The following PLXNA4 variants were observed in gnomAD, a reference collection of about 807,000 sequenced individuals.
The protein encoded by PLXNA4 is plexin A4, also known as plexin-A4.
PLXNA4 carries 44 observed loss-of-function variants against 191.8 expected under a neutral mutation model. The ratio of observed to expected loss-of-function variants is 0.23; its 90% CI spans 0.18 to 0.29. The LOEUF is 0.29. PLXNA4 is among the 10% of genes least tolerant of loss of function. PLXNA4 has a pLI of 1.00. For missense variants in PLXNA4, 1,800 were observed against 2,488.8 expected, an observed-to-expected ratio of 0.72 and a Z score of 5.89; for synonymous variants, 1,082 against 1,009.5, an observed-to-expected ratio of 1.07 and a Z score of -1.36.
intron 29 of PLXNA4, among the ~76,000 whole-genome samples, chr7:132,143,697 T>C (rs560823836): frequency 2.2e-4 from 33 of 152,300 alleles, no homozygotes; most frequent in African/African-American, 7.7e-4. Flanking sequence ...GTTAAACGCA[T>C]CTTACCTAAA....
chr7:132,487,271 C>T (rs553010076), intron 3 of PLXNA4, among the ~76,000 whole-genome samples: 7 of 152,216 alleles, frequency 4.6e-5, no homozygotes, highest in African/African-American at 1.2e-4. Context: ...GGAAATTCAG[C>T]GGGTAAGACT....
chr7:132,292,975 G>C (rs1800947240), intron 4 of PLXNA4, among the ~76,000 whole-genome samples: 1 of 152,192 alleles, frequency 6.6e-6, no homozygotes, highest in Admixed American at 6.5e-5. Context: ...TTCTGCAGCA[G>C]GAAGGAGCTG....
At chr7:132,264,720 CAG>C (rs1364621038) in intron 4 of PLXNA4, among the ~76,000 whole-genome samples, 1 of 142,234 alleles carries the variant, frequency 7.0e-6, no homozygotes, top group African/African-American at 2.6e-5. Context: ...TTTTTGTAGA[CAG>C]AGTCTCACTG....
At chr7:132,199,987 G>T (rs971015234) in intron 12 of PLXNA4, among the ~76,000 whole-genome samples, 22 of 152,214 alleles carry the variant, frequency 1.4e-4, no homozygotes, top group Non-Finnish European at 2.4e-4. Context: ...ATGTGGGGAA[G>T]GTCAGAGGGA....
intron 3 of PLXNA4, among the ~76,000 whole-genome samples, chr7:132,468,438 C>A (rs1796792209): frequency 6.6e-6 from 1 of 152,068 alleles, no homozygotes; most frequent in South Asian, 2.1e-4. Context: ...TCCCAGTGAA[C>A]CCTGAAGGAA....
intron 1 of PLXNA4, among the ~76,000 whole-genome samples, chr7:132,522,625 A>G (rs994130720): frequency 3.9e-5 from 6 of 152,158 alleles, no homozygotes; most frequent in African/African-American, 1.4e-4. Flanking sequence ...TACAAAAATT[A>G]GCCAGGCATG....
intron 2 of PLXNA4, among the ~76,000 whole-genome samples, chr7:132,492,405 G>C (rs73724043): frequency 0.15 from 23,421 of 152,186 alleles, 2,497 homozygotes; most frequent in African/African-American, 0.28. Flanking sequence ...TCACTAACCA[G>C]AAAGTCAGGG....
chr7:132,405,370 A>C (rs996055977), intron 3 of PLXNA4, among the ~76,000 whole-genome samples: 1 of 152,170 alleles, frequency 6.6e-6, no homozygotes, highest in South Asian at 2.1e-4. Flanking sequence ...CTGTGATTCC[A>C]TACCTGCTAC....
intron 2 of PLXNA4, among the ~76,000 whole-genome samples, chr7:132,631,796 T>C (rs999749846): frequency 4.6e-5 from 7 of 152,228 alleles, no homozygotes; most frequent in African/African-American, 1.4e-4. Context: ...AGAAGCTACA[T>C]GCTTGGAAGT....
chr7:132,488,078 C>A (rs1797634060), intron 3 of PLXNA4, among the ~76,000 whole-genome samples: 1 of 152,184 alleles, frequency 6.6e-6, no homozygotes, highest in African/African-American at 2.4e-5. Context: ...ACCATTCTTG[C>A]AGAGTACCAT....
intron 4 of PLXNA4, among the ~76,000 whole-genome samples, chr7:132,294,271 A>G (rs2116479186): frequency 6.6e-6 from 1 of 152,346 alleles, no homozygotes; most frequent in African/African-American, 2.4e-5. Flanking sequence ...ATCCTGAAGC[A>G]GGAGCCTGCC....
chr7:132,647,898 C>T (rs1355839464), intron 1 of PLXNA4, among the ~76,000 whole-genome samples: 1 of 151,820 alleles, frequency 6.6e-6, no homozygotes, highest in Non-Finnish European at 1.5e-5. Context: ...TCCATATATA[C>T]TCACGAACAC....
chr7:132,307,564 C>G (rs75978848), intron 3 of PLXNA4, among the ~76,000 whole-genome samples: 3 of 61,830 alleles, frequency 4.9e-5, no homozygotes, highest in African/African-American at 1.9e-4. Context: ...GTGAGGGAAC[C>G]AGTTAGGGGC....
chr7:132,315,536 A>T (rs1801909709), intron 3 of PLXNA4, among the ~76,000 whole-genome samples: 1 of 152,230 alleles, frequency 6.6e-6, no homozygotes, highest in South Asian at 2.1e-4. Context: ...CAGATGGGCT[A>T]CATGATGCTC....
At chr7:132,343,499 T>C (rs1328175367) in intron 3 of PLXNA4, among the ~76,000 whole-genome samples, 1 of 152,226 alleles carries the variant, frequency 6.6e-6, no homozygotes, top group Non-Finnish European at 1.5e-5. Flanking sequence ...TGCACTGTTC[T>C]TTCAGGAGGC....
intron 16 of PLXNA4, among the ~76,000 whole-genome samples, chr7:132,184,832 T>C (rs961858314): frequency 1.3e-5 from 2 of 151,922 alleles, no homozygotes; most frequent in African/African-American, 2.4e-5. Context: ...GCAAAGAGGA[T>C]AGGTATTTGG....
chr7:132,466,243 C>T, intron 3 of PLXNA4, among the ~76,000 whole-genome samples: 1 of 152,026 alleles, frequency 6.6e-6, no homozygotes, highest in East Asian at 1.9e-4. Flanking sequence ...TTTTTGGAGG[C>T]TGTAGGTCTC....
intron 2 of PLXNA4, among the ~76,000 whole-genome samples, chr7:132,619,370 G>A (rs1445180925): frequency 6.6e-6 from 1 of 152,112 alleles, no homozygotes; most frequent in South Asian, 2.1e-4. Context: ...TGTCCAAAAA[G>A]ATTAACTGCC....
At chr7:132,613,333 A>G (rs933753063) in intron 2 of PLXNA4, among the ~76,000 whole-genome samples, 3 of 152,292 alleles carry the variant, frequency 2.0e-5, no homozygotes, top group Admixed American at 1.3e-4. Flanking sequence ...CCAATTGACC[A>G]TGAATCTGAA....
Sources: gnomAD v4.1 joint callset for allele counts (sites outside exome capture counted in the v4.1 genomes callset) on GRCh38, gnomAD v4.1.1 for gene constraint, MANE v1.5 for transcripts, NCBI Gene and HGNC (gene_info 2026-07-23, HGNC 2026-07-21) for gene names.